The following AHCY variants were observed in gnomAD, a reference collection of about 807,000 sequenced individuals.
AHCY encodes the protein adenosylhomocysteinase.
Under a neutral mutation model 45.4 loss-of-function variants are expected in AHCY, and 24 were observed. The ratio of observed to expected loss-of-function variants is 0.53; its 90% confidence interval spans 0.38 to 0.74. AHCY has a LOEUF of 0.74. Ranked by LOEUF, AHCY falls within the 30% of genes least tolerant of loss-of-function variation. AHCY has a pLI of 0.00. For synonymous variants in AHCY, 245 were observed against 235.1 expected (o/e 1.04, Z -0.39); for missense variants, 449 against 594.1 (o/e 0.76, Z 2.54).
the AHCY span, among the ~76,000 whole-genome samples, chr20:34,255,218 TA>T: frequency 6.6e-6 from 1 of 152,230 alleles, no homozygotes; most frequent in African/African-American, 2.4e-5. Context: ...GCTGTCCCAC[TA>T]CCCCTTGGAT....
At chr20:34,232,159 G>A in the AHCY span, among the ~76,000 whole-genome samples, 1 of 152,206 alleles carries the variant, frequency 6.6e-6, no homozygotes, top group African/African-American at 2.4e-5. Flanking sequence ...ACATTTTATA[G>A]AAAGCAGTAA....
chr20:34,275,486 TC>T (rs1568778618), downstream of AHCY, among the ~76,000 whole-genome samples: 2 of 152,030 alleles, frequency 1.3e-5, no homozygotes, highest in African/African-American at 4.8e-5. Flanking sequence ...CAATGTCTTC[TC>T]CACTACAGCG....
the AHCY span, chr20:34,269,207 G>C: frequency 6.9e-7 from 1 of 1,446,276 alleles, no homozygotes; most frequent in Non-Finnish European, 9.1e-7. Context: ...GGGCTTCGGG[G>C]ACGCGGGGCG....
chr20:34,272,046 C>CAA, the AHCY span, among the ~76,000 whole-genome samples: 287 of 145,840 alleles, frequency 2.0e-3, 1 homozygote, highest in South Asian at 0.012. Context: ...AACGTGCCTC[C>CAA]AAAAAAAAAA....
the AHCY span, among the ~76,000 whole-genome samples, chr20:34,245,148 A>T: frequency 1.3e-5 from 2 of 151,810 alleles, no homozygotes; most frequent in African/African-American, 4.8e-5. Flanking sequence ...AGCCTGGCAA[A>T]CATGATGAAA....
chr20:34,264,184 C>T, the AHCY span, among the ~76,000 whole-genome samples: 1 of 152,108 alleles, frequency 6.6e-6, no homozygotes, highest in South Asian at 2.1e-4. Context: ...TACACACAGA[C>T]AGTACATACC....
chr20:34,258,524 C>T, the AHCY span, among the ~76,000 whole-genome samples: 4 of 147,194 alleles, frequency 2.7e-5, no homozygotes, highest in East Asian at 2.0e-4. Context: ...CTAAGCACTG[C>T]GATCAGTGGG....
chr20:34,239,074 G>T, the AHCY span, among the ~76,000 whole-genome samples: 1 of 152,062 alleles, frequency 6.6e-6, no homozygotes, highest in Admixed American at 6.5e-5. Flanking sequence ...AGCCCCCAAA[G>T]ACACCTGGGC....
At chr20:34,247,393 C>T in the AHCY span, among the ~76,000 whole-genome samples, 2 of 150,778 alleles carry the variant, frequency 1.3e-5, no homozygotes, top group Non-Finnish European at 3.0e-5. Flanking sequence ...CTCCGCCTCC[C>T]GGGTTCAAGC....
chr20:34,264,900 A>T, the AHCY span, among the ~76,000 whole-genome samples: 2 of 146,492 alleles, frequency 1.4e-5, no homozygotes, highest in South Asian at 2.1e-4. Flanking sequence ...GGCTCAAGTG[A>T]TCCTCCTGCC....
At chr20:34,251,610 A>G in the AHCY span, among the ~76,000 whole-genome samples, 1 of 152,292 alleles carries the variant, frequency 6.6e-6, no homozygotes, top group East Asian at 1.9e-4. Flanking sequence ...CAGTGGCACA[A>G]TGACAGGGAG....
chr20:34,263,191 C>T, the AHCY span, among the ~76,000 whole-genome samples: 1 of 152,202 alleles, frequency 6.6e-6, no homozygotes, highest in Non-Finnish European at 1.5e-5. Flanking sequence ...TGGTGTTTCC[C>T]AAACCTCAGT....
chr20:34,277,073 C>T (rs1397141986), downstream of AHCY, among the ~76,000 whole-genome samples: 2 of 152,136 alleles, frequency 1.3e-5, no homozygotes, highest in African/African-American at 4.8e-5. Flanking sequence ...CATCAACAGT[C>T]CCTGTGGATC....
chr20:34,297,149 T>C (rs764207682), intron 1 of AHCY, among the ~76,000 whole-genome samples: 1 of 152,062 alleles, frequency 6.6e-6, no homozygotes, highest in Non-Finnish European at 1.5e-5. Context: ...CAATTTCTAG[T>C]GTCCCTTCTA....
At chr20:34,300,021 C>T (rs2122813340) in intron 1 of AHCY, among the ~76,000 whole-genome samples, 1 of 152,246 alleles carries the variant, frequency 6.6e-6, no homozygotes, top group African/African-American at 2.4e-5. Flanking sequence ...CCCATCTCTA[C>T]TAAAAATACA....
upstream of AHCY, among the ~76,000 whole-genome samples, chr20:34,305,318 T>A (rs1014724329): frequency 3.9e-5 from 6 of 151,992 alleles, no homozygotes; most frequent in South Asian, 1.2e-3. Flanking sequence ...AGGGAGACTC[T>A]TGTCTCAAAA....
At chr20:34,243,440 GTGT>G in the AHCY span, among the ~76,000 whole-genome samples, 1 of 152,300 alleles carries the variant, frequency 6.6e-6, no homozygotes, top group East Asian at 1.9e-4. Context: ...AATAATTTTA[GTGT>G]TGTTAAGAAA....
At chr20:34,272,089 G>T in the AHCY span, among the ~76,000 whole-genome samples, 2 of 151,578 alleles carry the variant, frequency 1.3e-5, no homozygotes, top group East Asian at 1.9e-4. Context: ...GAGGAGCCAA[G>T]CGGACAATGT....
downstream of AHCY, among the ~76,000 whole-genome samples, chr20:34,277,163 T>TAGCCTAGGAGGCCCCTCC (rs1208012052): frequency 3.3e-5 from 5 of 152,232 alleles, no homozygotes; most frequent in African/African-American, 9.6e-5. Context: ...CCAGCACCTC[T>TAGCCTAGGAGGCCCCTCC]AGCCTAGGAG....
Sources: gnomAD v4.1 joint callset for allele counts (sites outside exome capture counted in the v4.1 genomes callset) on GRCh38, gnomAD v4.1.1 for gene constraint, MANE v1.5 for transcripts, NCBI Gene and HGNC (gene_info 2026-07-23, HGNC 2026-07-21) for gene names.